ARFIP1: variants seen among roughly 807,000 people sequenced by gnomAD.
The protein encoded by ARFIP1 is ARF interacting protein 1.
ARFIP1 carries 24 observed loss-of-function variants against 42.5 expected under a neutral mutation model. The ratio of observed to expected loss-of-function variants is 0.57; its 90% CI spans 0.41 to 0.80. ARFIP1 has a LOEUF of 0.80. Among genes scored for constraint, ARFIP1 ranks in the 30% least tolerant of loss-of-function variants. The probability of loss-of-function intolerance (pLI) is 0.00; values close to 1 mark genes in which losing one functional copy is unlikely to be tolerated. For synonymous variants in ARFIP1, 141 were observed against 153.7 expected (o/e 0.92, Z 0.61); for missense variants, 354 against 434.0 (o/e 0.82, Z 1.64).
At chr4:152,848,651 A>G (rs928656494) in intron 2 of ARFIP1, among the ~76,000 whole-genome samples, 1 of 126,672 alleles carries the variant, frequency 7.9e-6, no homozygotes, top group Non-Finnish European at 1.8e-5. Context: ...CCCACCAGTC[A>G]CATGTTGTAA....
intron 7 of ARFIP1, among the ~76,000 whole-genome samples, chr4:152,887,721 C>T (rs767503590): frequency 2.4e-4 from 36 of 152,156 alleles, no homozygotes; most frequent in Non-Finnish European, 4.1e-4. Flanking sequence ...AGACTTTTTT[C>T]AGAACCATTT....
chr4:152,796,695 C>T (rs1394013223), intron 1 of ARFIP1: 1 of 880,138 alleles, frequency 1.1e-6, no homozygotes, highest in Non-Finnish European at 1.9e-6. Flanking sequence ...TATGATTAAG[C>T]TTAGCCTTCA....
chr4:152,806,819 A>G (rs558524798), intron 1 of ARFIP1, among the ~76,000 whole-genome samples: 1 of 150,548 alleles, frequency 6.6e-6, no homozygotes, highest in Non-Finnish European at 1.5e-5. Flanking sequence ...TTTTAGCTCA[A>G]CGTAAGTTTT....
chr4:152,801,602 C>T (rs184925592), intron 1 of ARFIP1, among the ~76,000 whole-genome samples: 28 of 152,090 alleles, frequency 1.8e-4, no homozygotes, highest in African/African-American at 6.8e-4. Flanking sequence ...CATGAAATTG[C>T]CAAGATAGAT....
chr4:152,909,683 T>C (rs1469782831), intron 8 of ARFIP1, among the ~76,000 whole-genome samples: 2 of 152,222 alleles, frequency 1.3e-5, no homozygotes, highest in Non-Finnish European at 2.9e-5. Flanking sequence ...GATGTCCATA[T>C]TTACTATTCA....
chr4:152,890,399 C>T (rs1736746599), intron 8 of ARFIP1, among the ~76,000 whole-genome samples: 1 of 152,042 alleles, frequency 6.6e-6, no homozygotes, highest in Non-Finnish European at 1.5e-5. Flanking sequence ...CTGATTTTAT[C>T]TTGTAAATAT....
intron 2 of ARFIP1, among the ~76,000 whole-genome samples, chr4:152,844,741 A>G (rs1008705239): frequency 1.3e-5 from 2 of 152,212 alleles, no homozygotes; most frequent in Admixed American, 6.5e-5. Context: ...AAAACCTTCC[A>G]TGTTCATGGT....
chr4:152,829,664 G>C lies in ARFIP1; in HGVS notation c.31G>C (p.Ala11Pro). 1 of 1,612,000 alleles carries C rather than the reference G, an allele frequency of 6.2e-7. No homozygotes were observed. Among genetic ancestry groups the C allele is most frequent in the Non-Finnish European group, 8.5e-7 (1 of 1,178,714 alleles). The change falls in exon 2 of 9, where the codon GCA becomes CCA. Residue 11 changes from alanine (A) to proline (P), a missense_variant. Physicochemically the swap from Ala to Pro is conservative, Grantham distance 27 (BLOSUM62 -1). Transcript: ENST00000353617. ...TCAAGAATCTCCCAAAAATTCAGCA[G>C]CAGAAATTCCAGTGACTAGTAATGG... MAQESPKNSA[A>P]EIPVTSNGEV...
intron 3 of ARFIP1, among the ~76,000 whole-genome samples, chr4:152,864,780 C>T (rs1416501637): frequency 6.6e-6 from 1 of 152,178 alleles, no homozygotes; most frequent in Non-Finnish European, 1.5e-5. Flanking sequence ...TGCCGCATGC[C>T]AGCCTTTTTA....
chr4:152,851,013 A>C (rs564373048), intron 2 of ARFIP1, among the ~76,000 whole-genome samples: 2 of 152,260 alleles, frequency 1.3e-5, no homozygotes, highest in Non-Finnish European at 2.9e-5. Context: ...GAATTCATCA[A>C]ACATTTAACA....
intron 8 of ARFIP1, among the ~76,000 whole-genome samples, chr4:152,900,024 A>G (rs1298314899): frequency 6.6e-6 from 1 of 152,034 alleles, no homozygotes; most frequent in Non-Finnish European, 1.5e-5. Flanking sequence ...GCCCAAGGTG[A>G]GATTGTTCAG....
At chr4:152,836,229 A>G (rs560512980) in intron 2 of ARFIP1, among the ~76,000 whole-genome samples, 36 of 152,316 alleles carry the variant, frequency 2.4e-4, no homozygotes, top group Admixed American at 2.0e-3. Context: ...TTTATTGACT[A>G]TGTGATGTTT....
At position 152,871,114 on chromosome 4, in the gene ARFIP1, ATTCT is replaced by A. The variant is rs199611478; in HGVS notation, c.298+273_298+276del. Reference sequence around the variant, plus strand: ...TATAAAATTTGATTTGCTTTAAATCATTCTTTCTTTGCTCTGGAAATTGTAGGTT... The same window carrying A: ...TATAAAATTTGATTTGCTTTAAATCATTCTTTGCTCTGGAAATTGTAGGTT... On this transcript the variant is annotated intron_variant, in intron 4 of 8. Transcript: ENST00000353617. Among the ~76,000 whole-genome samples the A allele has an allele frequency of 8.2e-3, 1,242 of 152,334 alleles. 9 individuals carry two copies. Among genetic ancestry groups the A allele is most frequent in the Non-Finnish European group, 0.012 (849 of 68,018 alleles).
In ARFIP1 at chr4:152,910,726, G is replaced by C. The variant is rs1203120225; in HGVS notation, c.*507G>C. On this transcript the variant is annotated 3_prime_UTR_variant, in exon 9 of 9. Coordinates refer to ENST00000353617, the MANE Select transcript of ARFIP1 (RefSeq NM_001025595.3). Reference sequence around the variant, plus strand: ...ATGGTGTTCCTGCAGCGTCCACACAGAGGCAGCAGCTCTAATGAATGATTA... The same window carrying C: ...ATGGTGTTCCTGCAGCGTCCACACACAGGCAGCAGCTCTAATGAATGATTA... 1 of 152,386 alleles carries C rather than the reference G, an allele frequency of 6.6e-6. No homozygotes were observed. The highest frequency in any genetic ancestry group is 1.5e-5 in the Non-Finnish European group (1 of 68,082). The allele number at this position is 152,386 out of a possible 1,614,324, so 9.4% of individuals were successfully genotyped here.
chr4:152,857,268 A>G (rs1733520262), intron 2 of ARFIP1, among the ~76,000 whole-genome samples: 1 of 152,246 alleles, frequency 6.6e-6, no homozygotes, highest in South Asian at 2.1e-4. Flanking sequence ...ACATATTTCT[A>G]TTAGTGCGCT....
At chr4:152,830,868 A>AAAT (rs1459417206) in intron 2 of ARFIP1, among the ~76,000 whole-genome samples, 4 of 152,228 alleles carry the variant, frequency 2.6e-5, no homozygotes, top group Non-Finnish European at 4.4e-5. Flanking sequence ...AGATCGGTTT[A>AAAT]AATAATAGTA....
At chr4:152,789,222 C>T (rs750509835) in intron 1 of ARFIP1, among the ~76,000 whole-genome samples, 1 of 150,870 alleles carries the variant, frequency 6.6e-6, no homozygotes, top group Non-Finnish European at 1.5e-5. Flanking sequence ...TCCCAAGTAG[C>T]TGGGTCTACA....
intron 1 of ARFIP1, among the ~76,000 whole-genome samples, chr4:152,801,116 A>G (rs552678382): frequency 3.9e-5 from 6 of 152,248 alleles, no homozygotes; most frequent in Non-Finnish European, 8.8e-5. Context: ...CACATCGGGG[A>G]GGGAGACAGA....
intron 1 of ARFIP1, among the ~76,000 whole-genome samples, chr4:152,810,802 C>T (rs56011238): frequency 6.6e-6 from 1 of 151,934 alleles, no homozygotes; most frequent in Non-Finnish European, 1.5e-5. Context: ...GGCTACAGAG[C>T]GAGACTCTGT....
Sources: gnomAD v4.1 joint callset for allele counts (sites outside exome capture counted in the v4.1 genomes callset) on GRCh38, gnomAD v4.1.1 for gene constraint, MANE v1.5 for transcripts, NCBI Gene and HGNC (gene_info 2026-07-23, HGNC 2026-07-21) for gene names.